MACROD2: variants seen among roughly 807,000 people sequenced by gnomAD.
MACROD2 encodes mono-ADP ribosylhydrolase 2, also known as ADP-ribose glycohydrolase MACROD2.
MACROD2 carries 36 observed loss-of-function variants against 70.4 expected under a neutral mutation model. That is an observed-to-expected ratio of 0.51 (90% CI 0.39 to 0.68). The LOEUF (loss-of-function observed/expected upper bound fraction) is 0.68, where lower values mean the gene tolerates loss of function less well. MACROD2 is among the 30% of genes least tolerant of loss of function. The probability of loss-of-function intolerance (pLI) is 0.00; values close to 1 mark genes in which losing one functional copy is unlikely to be tolerated. For missense variants in MACROD2, 496 were observed against 538.4 expected (o/e 0.92, Z 0.78); for synonymous variants, 172 against 178.8 (o/e 0.96, Z 0.30).
intron 5 of MACROD2, among the ~76,000 whole-genome samples, chr20:15,117,397 C>T (rs1290764076): frequency 1.3e-5 from 2 of 151,990 alleles, no homozygotes; most frequent in South Asian, 2.1e-4. Flanking sequence ...GTGTTTCCTT[C>T]GAAACCCAAA....
chr20:14,741,261 C>A (rs1229028625), intron 5 of MACROD2, among the ~76,000 whole-genome samples: 1 of 152,074 alleles, frequency 6.6e-6, no homozygotes, highest in Non-Finnish European at 1.5e-5. Context: ...ACTCTGTTTT[C>A]CTTTAGACCA....
intron 5 of MACROD2, among the ~76,000 whole-genome samples, chr20:15,191,093 G>T (rs78576460): frequency 0.03 from 4,531 of 152,302 alleles, 218 homozygotes; most frequent in African/African-American, 0.1. Flanking sequence ...TATTTGGGAA[G>T]TGATCCCCAG....
chr20:15,043,613 C>A (rs115653974), intron 5 of MACROD2, among the ~76,000 whole-genome samples: 3 of 152,166 alleles, frequency 2.0e-5, no homozygotes, highest in African/African-American at 7.2e-5. Flanking sequence ...CTCTTTCCCC[C>A]AGTCAAAAAG....
At chr20:14,700,866 CCTT>C (rs2071188922) in intron 5 of MACROD2, among the ~76,000 whole-genome samples, 1 of 152,058 alleles carries the variant, frequency 6.6e-6, no homozygotes, top group Non-Finnish European at 1.5e-5. Flanking sequence ...AGTAATCTCT[CCTT>C]CTTGGAGAGA....
chr20:14,911,797 G>A (rs1288498410), intron 5 of MACROD2, among the ~76,000 whole-genome samples: 1 of 152,010 alleles, frequency 6.6e-6, no homozygotes, highest in Non-Finnish European at 1.5e-5. Context: ...TGTACTATAT[G>A]AATTAAACCT....
In MACROD2 at chr20:14,686,458, T is replaced by C. The variant is rs6042855; in HGVS notation, c.418+1499T>C. Among the ~76,000 whole-genome samples the C allele has an allele frequency of 8.8e-3, 1,344 of 152,344 alleles. 21 individuals are homozygous for C. The highest frequency in any genetic ancestry group is 0.03 in the African/African-American group (1,258 of 41,580). On this transcript the variant is annotated intron_variant, in intron 5 of 17. Coordinates refer to ENST00000684519, the MANE Select transcript of MACROD2 (RefSeq NM_001351661.2). ...GTGGAATTTTCCACTTGTGGCATCA[T>C]GTTGGCACACAAAGTTTTAGATTTT...
chr20:15,890,900 A>G (rs1214901423), intron 10 of MACROD2, among the ~76,000 whole-genome samples: 1 of 152,126 alleles, frequency 6.6e-6, no homozygotes, highest in Non-Finnish European at 1.5e-5. Flanking sequence ...AGGGCTGGGG[A>G]AGTGAAAATA....
intron 10 of MACROD2, among the ~76,000 whole-genome samples, chr20:15,903,383 T>C (rs910754102): frequency 6.6e-6 from 1 of 152,090 alleles, no homozygotes; most frequent in African/African-American, 2.4e-5. Flanking sequence ...GCGTCTGACT[T>C]ACCCTAATAA....
chr20:15,454,629 C>T (rs547841862), intron 7 of MACROD2, among the ~76,000 whole-genome samples: 24 of 152,212 alleles, frequency 1.6e-4, no homozygotes, highest in African/African-American at 5.8e-4. Flanking sequence ...TGAGAGACAG[C>T]CTAACATTCC....
At chr20:15,437,851 A>G (rs2046446358) in intron 7 of MACROD2, among the ~76,000 whole-genome samples, 1 of 151,994 alleles carries the variant, frequency 6.6e-6, no homozygotes, top group Non-Finnish European at 1.5e-5. Context: ...TTATGGCTGC[A>G]TGGTATTCCA....
At chr20:14,557,065 A>G (rs1979082366) in intron 4 of MACROD2, among the ~76,000 whole-genome samples, 2 of 152,040 alleles carry the variant, frequency 1.3e-5, no homozygotes, top group South Asian at 4.1e-4. Context: ...CCAGAAATAA[A>G]GCCTTCCATT....
At chr20:15,830,176 G>A (rs1220169399) in intron 8 of MACROD2, among the ~76,000 whole-genome samples, 10 of 152,276 alleles carry the variant, frequency 6.6e-5, no homozygotes, top group East Asian at 1.9e-4. Flanking sequence ...TCATGTCAAC[G>A]CTAAGTGTTT....
intron 3 of MACROD2, among the ~76,000 whole-genome samples, chr20:14,107,041 A>G (rs1386969114): frequency 2.0e-5 from 3 of 152,200 alleles, no homozygotes; most frequent in Non-Finnish European, 4.4e-5. Context: ...ACCTCACCCA[A>G]TGAACTTAAA....
chr20:14,425,587 A>T (rs559700809), intron 3 of MACROD2, among the ~76,000 whole-genome samples: 2 of 152,204 alleles, frequency 1.3e-5, no homozygotes, highest in East Asian at 3.9e-4. Flanking sequence ...TGTTACCTAA[A>T]TCTCTTCTCA....
At chr20:15,978,822 G>A (rs926331305) in intron 13 of MACROD2, among the ~76,000 whole-genome samples, 2 of 152,142 alleles carry the variant, frequency 1.3e-5, no homozygotes, top group Non-Finnish European at 2.9e-5. Context: ...AAGAAGGCAG[G>A]AGACTAGAAA....
At chr20:14,679,967 T>C (rs180873716) in intron 4 of MACROD2, among the ~76,000 whole-genome samples, 3 of 152,312 alleles carry the variant, frequency 2.0e-5, no homozygotes, top group Admixed American at 6.5e-5. Context: ...AGATTCTATT[T>C]GTGACATAAG....
chr20:15,351,924 G>A (rs2078231683), intron 6 of MACROD2, among the ~76,000 whole-genome samples: 1 of 152,152 alleles, frequency 6.6e-6, no homozygotes, highest in African/African-American at 2.4e-5. Flanking sequence ...TCAGAACCCT[G>A]ATACATCTGG....
intron 7 of MACROD2, among the ~76,000 whole-genome samples, chr20:15,436,946 G>A (rs148704283): frequency 3.1e-4 from 47 of 152,188 alleles, no homozygotes; most frequent in African/African-American, 7.9e-4. Flanking sequence ...CACTTGGTGC[G>A]TGCTTCCCAT....
chr20:16,009,532 A>C (rs1331620041), intron 15 of MACROD2, among the ~76,000 whole-genome samples: 1 of 152,122 alleles, frequency 6.6e-6, no homozygotes, highest in African/African-American at 2.4e-5. Flanking sequence ...CGAGGCGGGC[A>C]GATCACCTGA....
Sources: gnomAD v4.1 joint callset for allele counts (sites outside exome capture counted in the v4.1 genomes callset) on GRCh38, gnomAD v4.1.1 for gene constraint, MANE v1.5 for transcripts, NCBI Gene and HGNC (gene_info 2026-07-23, HGNC 2026-07-21) for gene names.